The following CACNA1E variants were observed in gnomAD, a reference collection of about 807,000 sequenced individuals.
The protein encoded by CACNA1E is calcium voltage-gated channel subunit alpha1 E, also known as voltage-dependent R-type calcium channel subunit alpha-1E.
A neutral mutation model predicts 259.2 loss-of-function variants in CACNA1E; 40 were observed. That is an observed-to-expected ratio of 0.15 (90% confidence interval 0.12 to 0.20). CACNA1E has a LOEUF of 0.20. Ranked by LOEUF, CACNA1E falls within the 10% of genes least tolerant of loss-of-function variation. The pLI is 1.00. For synonymous variants in CACNA1E, 1,104 were observed against 1,138.5 expected, an observed-to-expected ratio of 0.97 and a Z score of 0.61; for missense variants, 1,874 against 3,040.1, an observed-to-expected ratio of 0.62 and a Z score of 9.02.
chr1:181,674,467 T>C (rs996106199), intron 7 of CACNA1E, among the ~76,000 whole-genome samples: 4 of 149,932 alleles, frequency 2.7e-5, no homozygotes, highest in Non-Finnish European at 5.9e-5. Flanking sequence ...ATGTCTGATG[T>C]CACAGAGTTT....
In CACNA1E at chr1:181,483,706, G is replaced by A; in HGVS notation, c.-39G>A. The A allele has an allele frequency of 2.0e-6, 3 of 1,514,766 alleles. No individual in the cohort carries two copies. The highest frequency in any genetic ancestry group is 2.7e-6 in the Non-Finnish European group (3 of 1,122,740). The allele number at this position is 1,514,766 out of a possible 1,614,324, so 93.8% of individuals were successfully genotyped here. A position where few individuals can be genotyped will look rare whatever the true frequency, so the allele number is the denominator to read the frequency against. On this transcript the variant is annotated 5_prime_UTR_variant, in exon 1 of 48. Coordinates refer to ENST00000367573, the MANE Select transcript of CACNA1E (RefSeq NM_001205293.3). ...TTGCTGTGTGCGGGTGTTCGGCCGC[G>A]ATCACCTTTGTGTGTCTTCTGTCTG...
intron 1 of CACNA1E, among the ~76,000 whole-genome samples, chr1:181,393,571 C>T (rs1272482403): frequency 6.6e-6 from 1 of 152,194 alleles, no homozygotes; most frequent in Non-Finnish European, 1.5e-5. Context: ...GATCCTCCCA[C>T]CTCACTTCCT....
intron 7 of CACNA1E, among the ~76,000 whole-genome samples, chr1:181,706,009 T>A (rs1652760006): frequency 6.6e-6 from 1 of 152,080 alleles, no homozygotes; most frequent in South Asian, 2.1e-4. Flanking sequence ...CCTTCTTGAT[T>A]TCTGTTGCAT....
rs376915340 is a variant in CACNA1E at position 181,739,225 on chromosome 1, G to A, written c.3691G>A (p.Val1231Ile). The change falls in exon 25 of 48, where the codon GTT becomes ATT. Residue 1231 changes from valine to isoleucine, a missense_variant. Val to Ile is a conservative substitution (Grantham distance 29, BLOSUM62 3). This residue lies in a region of CACNA1E where 188 missense variants were observed against 540.6 expected (regional missense o/e 0.35). Transcript: ENST00000367573. ...LWNILDFVVV[V>I]GALVAFALAN... ...GAACATCCTGGACTTTGTGGTGGTC[G>A]TTGGCGCATTGGTGGCCTTTGCTCT... 264 of 1,613,034 alleles carry A rather than the reference G, an allele frequency of 1.6e-4. No homozygotes were observed. The highest frequency in any genetic ancestry group is 2.9e-4 in the African/African-American group (22 of 75,034).
chr1:181,662,127 A>G (rs1273431946), intron 7 of CACNA1E, among the ~76,000 whole-genome samples: 1 of 152,190 alleles, frequency 6.6e-6, no homozygotes, highest in East Asian at 1.9e-4. Flanking sequence ...TTGTGTGACC[A>G]TGGGGGTCAC....
At position 181,800,542 on chromosome 1, in the gene CACNA1E, G is replaced by A. The variant is rs1662196028; in HGVS notation, c.*1708G>A. ...CCTCCTTAGTGCCATCACAGCAGGT[G>A]AATGGGTGCCCTACGGGGCCCTCCT... On this transcript the variant is annotated 3_prime_UTR_variant, in exon 48 of 48. Transcript: ENST00000367573. The A allele has an allele frequency of 6.5e-6, 1 of 152,682 alleles. No individual in the cohort carries two copies. The highest frequency in any genetic ancestry group is 2.4e-5 in the African/African-American group (1 of 41,448). 9.5% of individuals were successfully genotyped at this position (152,682 alleles called of 1,614,324 possible).
intron 18 of CACNA1E, among the ~76,000 whole-genome samples, chr1:181,729,289 G>C (rs899205146): frequency 6.6e-6 from 1 of 152,180 alleles, no homozygotes; most frequent in Non-Finnish European, 1.5e-5. Context: ...TAAGGTGTGT[G>C]TGCTCTGCAC....
rs77747115 is a variant in CACNA1E at position 181,635,351 on chromosome 1, A to T, written c.952-15987A>T. The stretch of plus-strand genomic sequence containing the variant: ...CATGAACCCATTTGATTCAGAGGCA[A>T]TTGCAAGGTGAATCAATCTCCTTGT... On this transcript the variant is annotated intron_variant, in intron 6 of 47. Transcript: ENST00000367573. Among the ~76,000 whole-genome samples the T allele has an allele frequency of 3.2e-3, 494 of 152,184 alleles. 2 individuals are homozygous for T. Among genetic ancestry groups the T allele is most frequent in the African/African-American group, 9.8e-3 (409 of 41,526 alleles).
intron 1 of CACNA1E, among the ~76,000 whole-genome samples, chr1:181,406,432 T>C (rs1230567430): frequency 6.6e-6 from 1 of 152,176 alleles, no homozygotes; most frequent in Non-Finnish European, 1.5e-5. Context: ...AGTCTCGTTC[T>C]GTCTCCCAGG....
chr1:181,336,645 G>A (rs1341595610), intron 1 of CACNA1E, among the ~76,000 whole-genome samples: 1 of 151,948 alleles, frequency 6.6e-6, no homozygotes, highest in African/African-American at 2.4e-5. Flanking sequence ...ACATTGTTGT[G>A]CAACTGCAAC....
At chr1:181,792,992 A>C (rs369155481) in intron 44 of CACNA1E, among the ~76,000 whole-genome samples, 1 of 152,140 alleles carries the variant, frequency 6.6e-6, no homozygotes, top group African/African-American at 2.4e-5. Flanking sequence ...ACATGTTGAC[A>C]TGCTACTATT....
intron 2 of CACNA1E, among the ~76,000 whole-genome samples, chr1:181,445,100 C>T (rs1251834315): frequency 6.6e-6 from 1 of 152,166 alleles, no homozygotes; most frequent in Non-Finnish European, 1.5e-5. Flanking sequence ...TCTTGATCAA[C>T]ACTTCTATAC....
intron 7 of CACNA1E, among the ~76,000 whole-genome samples, chr1:181,660,950 C>G (rs149193885): frequency 6.6e-6 from 1 of 152,174 alleles, no homozygotes; most frequent in East Asian, 1.9e-4. Context: ...CAAACAAGGA[C>G]AGAGAGCTGC....
chr1:181,700,886 C>G (rs1336403332), intron 7 of CACNA1E, among the ~76,000 whole-genome samples: 1 of 152,206 alleles, frequency 6.6e-6, no homozygotes, highest in Non-Finnish European at 1.5e-5. Flanking sequence ...CTTCGAGTCT[C>G]TCCTCAGGAG....
At chr1:181,765,156 C>G (rs1035888725) in intron 34 of CACNA1E, among the ~76,000 whole-genome samples, 2 of 150,448 alleles carry the variant, frequency 1.3e-5, no homozygotes, top group African/African-American at 5.0e-5. Flanking sequence ...ATACCTCCCC[C>G]ACCCTCCCTA....
chr1:181,617,123 C>T (rs528892396), intron 6 of CACNA1E, among the ~76,000 whole-genome samples: 1 of 151,984 alleles, frequency 6.6e-6, no homozygotes, highest in African/African-American at 2.4e-5. Context: ...TCTCAAAGAA[C>T]CAATTTTTGG....
Position 181,490,100 on chromosome 1 carries a change from C to T in CACNA1E, c.266+6090C>T, listed in dbSNP as rs926177765. 2.6e-5 allele frequency among the ~76,000 whole-genome samples: 4 copies of T among 152,186 alleles called. No homozygotes were observed. In the South Asian group the frequency reaches 8.3e-4, roughly 32 times the overall value. On this transcript the variant is annotated intron_variant, in intron 1 of 47. Transcript: ENST00000367573. ...GAGATGTTTATGGTGTATCTTTGCT[C>T]ACTGAGCACCCCAAATATGTTTCCT...
chr1:181,403,680 A>T (rs1468066183), intron 1 of CACNA1E, among the ~76,000 whole-genome samples: 1 of 152,130 alleles, frequency 6.6e-6, no homozygotes, highest in Non-Finnish European at 1.5e-5. Context: ...AAATCTTATA[A>T]TTTTGCAGGT....
rs750330707 is a variant in CACNA1E, at chr1:181,691,524, G to C, written c.1056-19430G>C. 6.3e-4 allele frequency among the ~76,000 whole-genome samples: 96 copies of C among 151,926 alleles called. 2 individuals are homozygous for C. The highest frequency in any genetic ancestry group is 1.6e-4 in the Non-Finnish European group (11 of 67,928). On this transcript the variant is annotated intron_variant, in intron 7 of 47. Coordinates refer to ENST00000367573, the MANE Select transcript of CACNA1E (RefSeq NM_001205293.3). Reference sequence around the variant, plus strand: ...TAAATTCAATAACTTGGATAAAATGGCAAGTTTCTTGAAAACCAAAATACC... The same window carrying C: ...TAAATTCAATAACTTGGATAAAATGCCAAGTTTCTTGAAAACCAAAATACC...
Sources: gnomAD v4.1 joint callset for allele counts (sites outside exome capture counted in the v4.1 genomes callset) on GRCh38, gnomAD v4.1.1 for gene constraint, gnomAD v4.1.1 regional missense constraint, MANE v1.5 for transcripts, NCBI Gene and HGNC (gene_info 2026-07-23, HGNC 2026-07-21) for gene names.